The following LARGE1 variants were observed in gnomAD, a reference collection of about 807,000 sequenced individuals.
LARGE1 encodes xylosyl- and glucuronyltransferase LARGE1.
LARGE1 carries 43 observed loss-of-function variants against 87.6 expected under a neutral mutation model. The observed-to-expected ratio is 0.49, with a 90% CI of 0.38 to 0.63. LARGE1 has a LOEUF of 0.63. LARGE1 is among the 30% of genes least tolerant of loss of function. The pLI, the probability that LARGE1 is intolerant of heterozygous loss-of-function variation, is 0.00. For synonymous variants in LARGE1, 434 were observed against 394.6 expected (o/e 1.10, Z -1.18); for missense variants, 802 against 1,000.2 (o/e 0.80, Z 2.67).
intron 2 of LARGE1, among the ~76,000 whole-genome samples, chr22:33,707,078 A>G (rs1161747044): frequency 3.9e-5 from 6 of 152,240 alleles, no homozygotes. Flanking sequence ...TCATCCAGTA[A>G]GAATTCTGTC....
chr22:33,124,341 A>AAAG, the LARGE1 span, among the ~76,000 whole-genome samples: 368 of 42,368 alleles, frequency 8.7e-3, 2 homozygotes, highest in African/African-American at 0.04. Flanking sequence ...AGAGACAAAG[A>AAAG]GACAAAGAAA....
In LARGE1 at chr22:33,450,096, G is replaced by C. The variant is rs148754000; in HGVS notation, c.788-17831C>G. Among the ~76,000 whole-genome samples the C allele has an allele frequency of 8.9e-3, 1,355 of 152,030 alleles. 19 individuals are homozygous for C. The highest frequency in any genetic ancestry group is 0.031 in the African/African-American group (1,301 of 41,486). ...CCGGCTAATTTTTGTATTTTTAGTAGAGACGGAGTTTTGCCATGTTGGCCA... is the reference window on the plus strand; with the variant it reads ...CCGGCTAATTTTTGTATTTTTAGTACAGACGGAGTTTTGCCATGTTGGCCA... On this transcript the variant is annotated intron_variant, in intron 6 of 14. Transcript: ENST00000397394.
At chr22:33,910,551 G>A (rs949446438) in intron 1 of LARGE1, among the ~76,000 whole-genome samples, 1 of 152,048 alleles carries the variant, frequency 6.6e-6, no homozygotes, top group Non-Finnish European at 1.5e-5. Context: ...ATCCCCTTAC[G>A]AGACTCTTCC....
chr22:33,434,095 G>A (rs895042448), intron 6 of LARGE1, among the ~76,000 whole-genome samples: 1 of 152,200 alleles, frequency 6.6e-6, no homozygotes, highest in African/African-American at 2.4e-5. Flanking sequence ...TGTGCAACAA[G>A]CTTAGGACAT....
At chr22:33,084,037 T>G in the LARGE1 span, among the ~76,000 whole-genome samples, 1 of 152,192 alleles carries the variant, frequency 6.6e-6, no homozygotes, top group East Asian at 1.9e-4. Flanking sequence ...AGAACTGCTT[T>G]TTGTCTCCCA....
intron 1 of LARGE1, among the ~76,000 whole-genome samples, chr22:33,847,647 G>T (rs567779245): frequency 3.3e-5 from 5 of 152,286 alleles, no homozygotes; most frequent in Admixed American, 2.0e-4. Flanking sequence ...GTGGTACGCT[G>T]TGAACTGACC....
intron 2 of LARGE1, among the ~76,000 whole-genome samples, chr22:33,694,711 A>T (rs2082192074): frequency 6.6e-6 from 1 of 152,138 alleles, no homozygotes; most frequent in African/African-American, 2.4e-5. Context: ...GAAGGTGTGG[A>T]GAGACAGGAG....
intron 1 of LARGE1, among the ~76,000 whole-genome samples, chr22:33,789,950 G>A (rs1000570154): frequency 6.6e-6 from 1 of 152,154 alleles, no homozygotes; most frequent in African/African-American, 2.4e-5. Context: ...TTGAGACTTT[G>A]GGGGACTGTT....
At chr22:33,169,499 A>C (rs1922445015) in intron 11 of LARGE1, among the ~76,000 whole-genome samples, 1 of 152,162 alleles carries the variant, frequency 6.6e-6, no homozygotes, top group Non-Finnish European at 1.5e-5. Context: ...TAAGCTTCAA[A>C]ACTTAATGAA....
At chr22:33,504,148 T>C (rs927739375) in intron 6 of LARGE1, among the ~76,000 whole-genome samples, 6 of 152,220 alleles carry the variant, frequency 3.9e-5, no homozygotes, top group African/African-American at 1.4e-4. Context: ...TGGCTGCTAA[T>C]GGATGCAGGA....
At chr22:33,435,813 C>T (rs760544) in intron 6 of LARGE1, among the ~76,000 whole-genome samples, 63,961 of 152,116 alleles carry the variant, frequency 0.42, 15,672 homozygotes, top group African/African-American at 0.68. Context: ...ACTTAACCCT[C>T]TCAGGCACGC....
chr22:33,277,253 T>G lies in LARGE1; in HGVS notation c.1880A>C (p.Tyr627Ser). Residue 627 changes from tyrosine to serine, a missense_variant and splice_region_variant, in exon 14 of 15, where the codon TAC (tyrosine) becomes TCC (serine). Physicochemically the swap from Tyr to Ser is moderately radical, Grantham distance 144. Around this residue, in one of 2 missense-constraint regions of LARGE1, gnomAD observed 625 missense variants for 841.9 expected, o/e 0.74. Transcript: ENST00000397394. Reference protein sequence around the residue: ...LDMGTLFTFRYHVWTKGHAPT... With the variant: ...LDMGTLFTFRSHVWTKGHAPT... ...TGCGTGGCCTTTCGTCCAGACGTGG[T>G]ACCTGAGACACACGGAGAAAAGCCA... 6.2e-7 allele frequency: 1 copy of G among 1,614,114 alleles called. No individual in the cohort carries two copies. Among genetic ancestry groups the G allele is most frequent in the Admixed American group, 1.7e-5 (1 of 60,016 alleles).
chr22:33,277,865 C>T (rs1929647569), intron 13 of LARGE1, among the ~76,000 whole-genome samples: 1 of 152,206 alleles, frequency 6.6e-6, no homozygotes, highest in Admixed American at 6.5e-5. Context: ...TGGAGGGCTC[C>T]ATGTCATTTC....
At chr22:33,816,389 T>C (rs1364994453) in intron 1 of LARGE1, among the ~76,000 whole-genome samples, 2 of 152,134 alleles carry the variant, frequency 1.3e-5, no homozygotes, top group Non-Finnish European at 2.9e-5. Flanking sequence ...CAACAGCAGA[T>C]TCAGTGTCTG....
chr22:33,879,731 T>C (rs1174261412), intron 1 of LARGE1, among the ~76,000 whole-genome samples: 2 of 152,222 alleles, frequency 1.3e-5, no homozygotes, highest in Non-Finnish European at 2.9e-5. Context: ...ATCTATCCTG[T>C]ACTCGCCATA....
chr22:33,278,779 G>A (rs2145846714), intron 13 of LARGE1, among the ~76,000 whole-genome samples: 1 of 152,162 alleles, frequency 6.6e-6, no homozygotes, highest in Admixed American at 6.5e-5. Context: ...GAGTGCAGTG[G>A]CACGATCTTG....
At chr22:33,161,241 C>A (rs1922013334), downstream of LARGE1, among the ~76,000 whole-genome samples, 1 of 152,136 alleles carries the variant, frequency 6.6e-6, no homozygotes, top group Admixed American at 6.5e-5. Flanking sequence ...CCCACCAGGT[C>A]CCTCCCACGA....
chr22:33,785,230 TATAC>T (rs1053664294), intron 1 of LARGE1, among the ~76,000 whole-genome samples: 1 of 151,730 alleles, frequency 6.6e-6, no homozygotes, highest in Non-Finnish European at 1.5e-5. Flanking sequence ...CATATATGTG[TATAC>T]ATACATATGT....
At chr22:33,886,534 G>A (rs2064849313) in intron 1 of LARGE1, among the ~76,000 whole-genome samples, 1 of 151,668 alleles carries the variant, frequency 6.6e-6, no homozygotes. Context: ...AAAATTAGCA[G>A]GGCATGGTGG....
Sources: gnomAD v4.1 joint callset for allele counts (sites outside exome capture counted in the v4.1 genomes callset) on GRCh38, gnomAD v4.1.1 for gene constraint, gnomAD v4.1.1 regional missense constraint, MANE v1.5 for transcripts, NCBI Gene and HGNC (gene_info 2026-07-23, HGNC 2026-07-21) for gene names.